ANKMY1: variants seen among roughly 807,000 people sequenced by gnomAD.
The protein encoded by ANKMY1 is ankyrin repeat and MYND domain containing 1.
In ANKMY1, 98 loss-of-function variants were observed where a neutral mutation model predicts 102.0. The observed-to-expected ratio is 0.96, with a 90% CI of 0.82 to 1.14. ANKMY1 has a LOEUF of 1.14. Ranked by LOEUF, ANKMY1 falls within the 50% of genes most tolerant of loss-of-function variation. The probability of loss-of-function intolerance (pLI) is 0.00; values close to 1 mark genes in which losing one functional copy is unlikely to be tolerated. For missense variants in ANKMY1, 1,330 were observed against 1,347.6 expected (o/e 0.99, Z 0.20); for synonymous variants, 582 against 559.9 (o/e 1.04, Z -0.56).
chr2:240,509,224 A>AATTG, intron 12 of ANKMY1, 124 bp downstream of exon 12: 2 of 602,940 alleles, frequency 3.3e-6, no homozygotes, highest in Non-Finnish European at 5.2e-6. Context: ...TGGATGGATG[A>AATTG]ATGGATGGAT....
chr2:240,501,423 G>A (rs187512063), intron 13 of ANKMY1, among the ~76,000 whole-genome samples: 2 of 152,308 alleles, frequency 1.3e-5, no homozygotes, highest in Non-Finnish European at 2.9e-5. Context: ...CATCTAAAGA[G>A]GCTGCCCCAC....
At chr2:240,560,761 T>C (rs766100450), upstream of ANKMY1, 1 of 1,486,614 alleles carries the variant, frequency 6.7e-7, no homozygotes. Context: ...GCGCCCTCAC[T>C]CTTCCTCGGG....
chr2:240,523,797 G>A, intron 8 of ANKMY1, 88 bp downstream of exon 8: 2 of 1,521,322 alleles, frequency 1.3e-6, no homozygotes, highest in East Asian at 4.6e-5. Context: ...GCCTCCCACT[G>A]GCACAGGGAA....
At chr2:240,481,664 C>CA (rs1480036380) in intron 16 of ANKMY1, among the ~76,000 whole-genome samples, 2 of 152,166 alleles carry the variant, frequency 1.3e-5, no homozygotes, top group Non-Finnish European at 2.9e-5. Flanking sequence ...CCTCTCATCT[C>CA]AGAGGGGCAC....
At chr2:240,546,122 TA>T (rs1191357226) in intron 4 of ANKMY1, among the ~76,000 whole-genome samples, 1 of 152,164 alleles carries the variant, frequency 6.6e-6, no homozygotes, top group Non-Finnish European at 1.5e-5. Flanking sequence ...AAGGTCGGGT[TA>T]CCCTCAAAGG....
intron 4 of ANKMY1, among the ~76,000 whole-genome samples, chr2:240,547,102 T>C (rs2090543718): frequency 1.3e-5 from 2 of 152,158 alleles, no homozygotes; most frequent in South Asian, 4.1e-4. Context: ...ATTGACCACA[T>C]ACTTGGAAGT....
chr2:240,494,138 GC>G (rs1227944295), intron 15 of ANKMY1, among the ~76,000 whole-genome samples: 1 of 152,050 alleles, frequency 6.6e-6, no homozygotes, highest in African/African-American at 2.4e-5. Flanking sequence ...TTGTGCTCAG[GC>G]CCCCCACTGG....
chr2:240,558,027 T>A (rs1044008538), upstream of ANKMY1: 2 of 959,560 alleles, frequency 2.1e-6, no homozygotes, highest in Non-Finnish European at 2.5e-6. Flanking sequence ...CCCCGCCCCA[T>A]GCCCGCTGCC....
Position 240,543,436 on chromosome 2 carries a change from T to C in ANKMY1, c.480+9478A>G, listed in dbSNP as rs1296048894. Among the ~76,000 whole-genome samples, 4 of 152,250 alleles carry C rather than the reference T, an allele frequency of 2.6e-5. No homozygotes were observed. In the South Asian group the frequency reaches 8.3e-4, roughly 32 times the overall value. The stretch of plus-strand genomic sequence containing the variant: ...ATATATTTTTATCTGGGTTTTATAT[T>C]TGTCTTTGCTAGACATTTTGAGATA... On this transcript the variant is annotated intron_variant, in intron 4 of 17. Coordinates refer to ENST00000401804, the MANE Select transcript of ANKMY1 (RefSeq NM_001282771.3).
At chr2:240,560,589 C>A, upstream of ANKMY1, 3 of 1,325,250 alleles carry the variant, frequency 2.3e-6, no homozygotes, top group Non-Finnish European at 2.9e-6. Context: ...GGGCGCCCGG[C>A]GGCCCGCCCG....
At chr2:240,538,985 A>C (rs1265083229) in intron 4 of ANKMY1, among the ~76,000 whole-genome samples, 1 of 152,148 alleles carries the variant, frequency 6.6e-6, no homozygotes, top group East Asian at 1.9e-4. Context: ...AGGGATTGTA[A>C]ACGCACCAAT....
At chr2:240,491,220 C>T (rs2076616649) in intron 15 of ANKMY1, among the ~76,000 whole-genome samples, 1 of 150,982 alleles carries the variant, frequency 6.6e-6, no homozygotes, top group Non-Finnish European at 1.5e-5. Flanking sequence ...TTATTTCAGT[C>T]TATATGTGTC....
rs1376373352 is a variant in ANKMY1 at position 240,529,377 on chromosome 2, G to C, written c.613C>G (p.Leu205Val). 2 of 1,614,060 alleles carry C rather than the reference G, an allele frequency of 1.2e-6. No individual in the cohort carries two copies. Among genetic ancestry groups the C allele is most frequent in the Non-Finnish European group, 1.7e-6 (2 of 1,180,044 alleles). ...CTQIPSGFSL[L>V]RYPEFSSFIT... ...AAGCTGGAGAACTCAGGGTATCTGA[G>C]GAGGGAGAAGCCACTGGGGATCTGG... is the stretch of plus-strand genomic sequence containing the variant. The change falls in exon 5 of 18, where the codon CTC becomes GTC. Residue 205 changes from leucine (L) to valine (V), a missense_variant. By Grantham distance (32) the Leu-to-Val change is conservative (BLOSUM62 1). Coordinates refer to ENST00000401804, the MANE Select transcript of ANKMY1 (RefSeq NM_001282771.3). The surrounding 1 kb of genome is among the most constrained non-coding windows in gnomAD (Gnocchi z 4.2).
At chr2:240,556,093 G>A (rs2092317487) in intron 2 of ANKMY1, among the ~76,000 whole-genome samples, 1 of 152,112 alleles carries the variant, frequency 6.6e-6, no homozygotes, top group South Asian at 2.1e-4. Context: ...GGAACTCTGG[G>A]CTCTTCTGCT....
rs1393172381 is a variant in ANKMY1 at position 240,511,869 on chromosome 2, C to G, written c.2278G>C (p.Asp760His). The G allele has an allele frequency of 1.3e-6, 2 of 1,588,584 alleles. No individual in the cohort carries two copies. Among genetic ancestry groups the G allele is most frequent in the Non-Finnish European group, 1.7e-6 (2 of 1,174,804 alleles). Residue 760 changes from aspartate (D) to histidine (H), a missense_variant, in exon 11 of 18, where the codon GAC (aspartate) becomes CAC (histidine). Transcript: ENST00000401804. ...ALHMACERED[D>H]NKCARDIVRL... Reference sequence around the variant, plus strand: ...GCCCTGGCTGCCCTCACCTTGTTGTCATCCTCCCGCTCGCAGGCCATGTGC... The same window carrying G: ...GCCCTGGCTGCCCTCACCTTGTTGTGATCCTCCCGCTCGCAGGCCATGTGC...
intron 5 of ANKMY1, chr2:240,527,767 A>G (rs1166424833): frequency 1.3e-5 from 2 of 151,598 alleles, no homozygotes; most frequent in African/African-American, 4.9e-5. Flanking sequence ...ATGAATAGGT[A>G]GGTGTGTGGG....
At chr2:240,543,202 A>C (rs953204370) in intron 4 of ANKMY1, among the ~76,000 whole-genome samples, 6 of 151,812 alleles carry the variant, frequency 4.0e-5, no homozygotes, top group African/African-American at 1.2e-4. Flanking sequence ...GCAAAAAAAA[A>C]ATTAGCCGGG....
In ANKMY1 at chr2:240,529,246, A is replaced by C; in HGVS notation, c.744T>G (p.Leu248=). The C allele has an allele frequency of 6.2e-7, 1 of 1,614,166 alleles. No homozygotes were observed. The highest frequency in any genetic ancestry group is 8.5e-7 in the Non-Finnish European group (1 of 1,180,028). Reference sequence around the variant, plus strand: ...GAGGCAGCGTTAGGTTGTCATTCAGAAGAAACCGCTTATAGTCATAGAAAA... The same window carrying C: ...GAGGCAGCGTTAGGTTGTCATTCAGCAGAAACCGCTTATAGTCATAGAAAA... ...DPFFYDYKRF[L]LNDNLTLPPE... Residue 248 remains leucine (L), a synonymous_variant, in exon 5 of 18, where the codon CTT becomes CTG. Coordinates refer to ENST00000401804, the MANE Select transcript of ANKMY1 (RefSeq NM_001282771.3). The surrounding 1 kb of genome is among the most constrained non-coding windows in gnomAD (Gnocchi z 4.2).
At chr2:240,561,034 A>ACCT, upstream of ANKMY1, 1 of 1,529,142 alleles carries the variant, frequency 6.5e-7, no homozygotes, top group Non-Finnish European at 8.7e-7. Flanking sequence ...TGCACCGCGT[A>ACCT]CCTCATGCGG....
Sources: allele counts gnomAD v4.1 joint callset (sites outside exome capture counted in the v4.1 genomes callset), GRCh38; gene constraint gnomAD v4.1.1; non-coding constraint Gnocchi (gnomAD v3.1); transcripts MANE v1.5; gene names NCBI Gene and HGNC (gene_info 2026-07-23, HGNC 2026-07-21).